Variants in OPHN1 observed in about 807,000 individuals in gnomAD.
The protein encoded by OPHN1 is oligophrenin-1.
Under a neutral mutation model 60.7 loss-of-function variants are expected in OPHN1, and 11 were observed. The ratio of observed to expected loss-of-function variants is 0.18; its 90% confidence interval spans 0.11 to 0.30. OPHN1 has a LOEUF of 0.30. OPHN1 is among the 10% of genes least tolerant of loss of function. The probability of loss-of-function intolerance (pLI) is 1.00; values close to 1 mark genes in which losing one functional copy is unlikely to be tolerated. For synonymous variants in OPHN1, 226 were observed against 222.6 expected, an observed-to-expected ratio of 1.02 and a Z score of -0.14; for missense variants, 449 against 611.0, an observed-to-expected ratio of 0.73 and a Z score of 2.80.
intron 2 of OPHN1, among the ~76,000 whole-genome samples, chrX:68,422,616 G>GAA (rs1367934008): frequency 3.2e-5 from 1 of 31,526 alleles, no homozygotes; most frequent in Non-Finnish European, 1.3e-4. Flanking sequence ...GAAAAAGAGA[G>GAA]AGAGAAAGAA....
intron 15 of OPHN1, among the ~76,000 whole-genome samples, chrX:68,127,771 C>G (rs1183611596): frequency 9.0e-6 from 1 of 111,724 alleles, no homozygotes; most frequent in Non-Finnish European, 1.9e-5. Context: ...TTCTCAAACA[C>G]AGCTTCTAGA....
intron 5 of OPHN1, among the ~76,000 whole-genome samples, chrX:68,236,558 C>T (rs890061529): frequency 9.0e-6 from 1 of 111,546 alleles, no homozygotes; most frequent in Non-Finnish European, 1.9e-5. Flanking sequence ...TTTTCCATTC[C>T]CCCTTCCACC....
At chrX:68,318,745 C>G (rs181124180) in intron 2 of OPHN1, among the ~76,000 whole-genome samples, 42 of 111,751 alleles carry the variant, frequency 3.8e-4, no homozygotes, top group African/African-American at 1.4e-3. Flanking sequence ...CATCCAAGAT[C>G]CCACATTACG....
In OPHN1 at chrX:68,150,526, TACATCTGA is replaced by T. The variant is rs775282738; in HGVS notation, c.1277-31202_1277-31195del. On this transcript the variant is annotated intron_variant, in intron 15 of 24. Transcript: ENST00000355520. ...TGAATAAGATATTAACAATTAAACC[TACATCTGA>T]GTATCTGAGAACATGAACTGGCATT... Among the ~76,000 whole-genome samples the T allele has an allele frequency of 5.7e-4, 64 of 111,922 alleles. No homozygotes were observed. In the South Asian group the frequency reaches 0.024, roughly 41 times the overall value.
At chrX:68,132,106 T>C (rs1014685633) in intron 15 of OPHN1, among the ~76,000 whole-genome samples, 5 of 109,360 alleles carry the variant, frequency 4.6e-5, no homozygotes, top group Non-Finnish European at 9.4e-5. Flanking sequence ...CAGTCTGATA[T>C]TGGCTGTGGG....
intron 23 of OPHN1, among the ~76,000 whole-genome samples, chrX:68,052,289 CAA>C (rs72307579): frequency 0.01 from 627 of 61,205 alleles, 4 homozygotes; most frequent in African/African-American, 0.032. Context: ...GACACCATCT[CAA>C]AAAAAAAAAA....
rs757336764 is a variant in OPHN1, at chrX:68,373,692, ACT to A, written c.154+59173_154+59174del. Among the ~76,000 whole-genome samples the A allele has an allele frequency of 9.0e-4, 101 of 112,048 alleles. 4 individuals are homozygous for A. In the East Asian group the frequency reaches 0.022, roughly 24 times the overall value. On this transcript the variant is annotated intron_variant, in intron 2 of 24. Transcript: ENST00000355520. Reference sequence around the variant, plus strand: ...ATGAAATTAAACCTCAAAATTTGAAACTCTATAAAATGAATACTAATAATAAC... The same window carrying A: ...ATGAAATTAAACCTCAAAATTTGAAACTATAAAATGAATACTAATAATAAC...
chrX:68,374,379 T>C (rs2078545880), intron 2 of OPHN1, among the ~76,000 whole-genome samples: 1 of 107,607 alleles, frequency 9.3e-6, no homozygotes, highest in African/African-American at 3.4e-5. Context: ...AATCACTAAA[T>C]AAATTGAACT....
intron 2 of OPHN1, among the ~76,000 whole-genome samples, chrX:68,335,210 A>T (rs1209818767): frequency 9.2e-6 from 1 of 109,182 alleles, no homozygotes; most frequent in Non-Finnish European, 1.9e-5. Flanking sequence ...AAGATACGTT[A>T]GGTGCCCAAA....
chrX:68,174,805 C>T (rs2077407224), intron 15 of OPHN1, among the ~76,000 whole-genome samples: 1 of 110,377 alleles, frequency 9.1e-6, no homozygotes, highest in Non-Finnish European at 1.9e-5. Flanking sequence ...AAAAAATGGC[C>T]GGGCACAGTG....
At chrX:68,071,763 G>A (rs1296500030) in intron 20 of OPHN1, 32 of 458,025 alleles carry the variant, frequency 7.0e-5, no homozygotes, top group South Asian at 9.4e-5. Flanking sequence ...GTTAGAAAGC[G>A]ACATTTTGGA....
chrX:68,192,830 T>C, intron 15 of OPHN1, 89 bp downstream of exon 15: 1 of 763,101 alleles, frequency 1.3e-6, no homozygotes, highest in Non-Finnish European at 2.0e-6. Flanking sequence ...TTCTACCACA[T>C]TTTAGCAGTG....
chrX:68,399,372 G>A (rs2078701411), intron 2 of OPHN1, among the ~76,000 whole-genome samples: 1 of 111,479 alleles, frequency 9.0e-6, no homozygotes, highest in African/African-American at 3.3e-5. Flanking sequence ...CATCTGAGGG[G>A]CTGGACAGTA....
chrX:68,422,157 T>C (rs1203476606), intron 2 of OPHN1, among the ~76,000 whole-genome samples: 1 of 111,294 alleles, frequency 9.0e-6, no homozygotes, highest in Non-Finnish European at 1.9e-5. Flanking sequence ...CTTCCACTAA[T>C]GCAATTTTTG....
At chrX:68,295,862 T>G (rs2078092337) in intron 3 of OPHN1, among the ~76,000 whole-genome samples, 1 of 111,759 alleles carries the variant, frequency 8.9e-6, no homozygotes, top group African/African-American at 3.3e-5. Flanking sequence ...TAATGAAAAA[T>G]TTTTAATGAG....
chrX:68,305,232 A>C (rs905156137), intron 2 of OPHN1, among the ~76,000 whole-genome samples: 1 of 110,577 alleles, frequency 9.0e-6, no homozygotes, highest in African/African-American at 3.3e-5. Context: ...ATAAAAATAA[A>C]AAATAGCCGG....
intron 2 of OPHN1, among the ~76,000 whole-genome samples, chrX:68,429,427 A>C (rs1181311798): frequency 9.0e-6 from 1 of 110,506 alleles, no homozygotes; most frequent in Non-Finnish European, 1.9e-5. Flanking sequence ...CTCTGTCTCC[A>C]AAAAAAAGTG....
intron 4 of OPHN1, among the ~76,000 whole-genome samples, chrX:68,280,816 A>G (rs997830493): frequency 1.8e-5 from 2 of 111,745 alleles, no homozygotes; most frequent in African/African-American, 6.5e-5. Flanking sequence ...ACACAAAAAG[A>G]TTATTTTTAG....
intron 15 of OPHN1, among the ~76,000 whole-genome samples, chrX:68,176,973 C>CATATATATATATAT (rs59326514): frequency 4.1e-4 from 41 of 99,151 alleles, no homozygotes; most frequent in Non-Finnish European, 7.5e-4. Context: ...TTTATATATA[C>CATATATATATATAT]ATATATATAT....
Sources: allele counts gnomAD v4.1 joint callset (sites outside exome capture counted in the v4.1 genomes callset), GRCh38; gene constraint gnomAD v4.1.1; transcripts MANE v1.5; gene names NCBI Gene and HGNC (gene_info 2026-07-23, HGNC 2026-07-21).